Variants in PLXNA4 observed in about 807,000 individuals in gnomAD.
PLXNA4 encodes the protein plexin A4.
In PLXNA4, 44 loss-of-function variants were observed where a neutral mutation model predicts 191.8. That is an observed-to-expected ratio of 0.23 (90% CI 0.18 to 0.29). PLXNA4 has a LOEUF of 0.29. PLXNA4 is among the 10% of genes least tolerant of loss of function. The probability of loss-of-function intolerance (pLI) is 1.00; values close to 1 mark genes in which losing one functional copy is unlikely to be tolerated. For synonymous variants in PLXNA4, 1,082 were observed against 1,009.5 expected (o/e 1.07, Z -1.36); for missense variants, 1,800 against 2,488.8 (o/e 0.72, Z 5.89).
intron 1 of PLXNA4, among the ~76,000 whole-genome samples, chr7:132,562,359 C>T (rs2116661874): frequency 9.6e-6 from 1 of 103,816 alleles, no homozygotes; most frequent in Non-Finnish European, 2.3e-5. Flanking sequence ...CCTTCCTCCT[C>T]CTCCTCTGCC....
At chr7:132,331,230 A>G (rs909554396) in intron 3 of PLXNA4, among the ~76,000 whole-genome samples, 3 of 152,262 alleles carry the variant, frequency 2.0e-5, no homozygotes, top group African/African-American at 7.2e-5. Context: ...CTCAGCTGAG[A>G]GCAGGAGGAA....
intron 2 of PLXNA4, among the ~76,000 whole-genome samples, chr7:132,601,099 T>G (rs370344849): frequency 1.3e-5 from 2 of 152,298 alleles, no homozygotes; most frequent in African/African-American, 4.8e-5. Context: ...GTAAACACCT[T>G]GAGATCAGAT....
chr7:132,502,296 G>A (rs981147929), intron 2 of PLXNA4, among the ~76,000 whole-genome samples: 14 of 152,184 alleles, frequency 9.2e-5, no homozygotes, highest in South Asian at 2.1e-4. Context: ...GGAACGGCAC[G>A]TGGAAGGGGA....
intron 16 of PLXNA4, among the ~76,000 whole-genome samples, chr7:132,183,299 C>A (rs1467838489): frequency 1.3e-5 from 2 of 152,198 alleles, no homozygotes; most frequent in Admixed American, 1.3e-4. Flanking sequence ...TGGAGATGAC[C>A]TTCTGGTGTC....
chr7:132,311,193 T>TGTGTGTGCGC lies in PLXNA4; in HGVS notation c.1372-12972_1372-12971insGCGCACACAC, dbSNP rs71178034. 1.0e-3 allele frequency among the ~76,000 whole-genome samples: 91 copies of TGTGTGTGCGC among 89,902 alleles called. 2 individuals are homozygous for TGTGTGTGCGC. Among genetic ancestry groups the TGTGTGTGCGC allele is most frequent in the African/African-American group, 1.8e-3 (47 of 25,978 alleles). 59.0% of individuals were successfully genotyped at this position (89,902 alleles called of 152,430 possible). A position where few individuals can be genotyped will look rare whatever the true frequency, so the allele number is the denominator to read the frequency against. On this transcript the variant is annotated intron_variant, in intron 3 of 31. Transcript: ENST00000321063. ...GTGTGTGTGTGTGTGTGTGTGTGTG[T>TGTGTGTGCGC]GCGCGTGTGGCCTAAAGGAGGGTCA...
chr7:132,599,756 T>A (rs1272356503), intron 2 of PLXNA4, among the ~76,000 whole-genome samples: 1 of 152,134 alleles, frequency 6.6e-6, no homozygotes, highest in Non-Finnish European at 1.5e-5. Context: ...GGCCGTCTTA[T>A]TCTATTCTCA....
chr7:132,148,126 G>A (rs893480405), intron 26 of PLXNA4, 127 bp from the exon 27 acceptor site: 1 of 1,387,510 alleles, frequency 7.2e-7, no homozygotes, highest in African/African-American at 1.4e-5. Flanking sequence ...GGGGACTTTG[G>A]AGGCTGTCAG....
chr7:132,325,584 G>C (rs1802326291), intron 3 of PLXNA4, among the ~76,000 whole-genome samples: 1 of 152,178 alleles, frequency 6.6e-6, no homozygotes, highest in Non-Finnish European at 1.5e-5. Flanking sequence ...GTGGCCGATG[G>C]AGGCAGACAC....
intron 3 of PLXNA4, among the ~76,000 whole-genome samples, chr7:132,390,799 C>T (rs1399279300): frequency 6.6e-6 from 1 of 152,132 alleles, no homozygotes; most frequent in African/African-American, 2.4e-5. Flanking sequence ...CTTGAAAGTC[C>T]CAAGGAGCTT....
intron 3 of PLXNA4, among the ~76,000 whole-genome samples, chr7:132,375,381 G>C (rs1804619717): frequency 1.3e-5 from 2 of 150,172 alleles, no homozygotes; most frequent in Admixed American, 1.3e-4. Flanking sequence ...TGTCCCCCAA[G>C]AGGTAGAAAA....
chr7:132,613,164 C>T (rs962568183), intron 2 of PLXNA4, among the ~76,000 whole-genome samples: 3 of 152,156 alleles, frequency 2.0e-5, no homozygotes, highest in Non-Finnish European at 2.9e-5. Flanking sequence ...GCCCTTTGGT[C>T]TCATGCAGCT....
intron 22 of PLXNA4, among the ~76,000 whole-genome samples, chr7:132,167,408 C>T (rs547891275): frequency 1.3e-3 from 198 of 152,288 alleles, no homozygotes; most frequent in African/African-American, 4.6e-3. Flanking sequence ...TGAGACATCA[C>T]CAAAGGACTT....
At chr7:132,520,997 C>T (rs147908715) in intron 1 of PLXNA4, among the ~76,000 whole-genome samples, 2 of 151,858 alleles carry the variant, frequency 1.3e-5, no homozygotes, top group African/African-American at 4.8e-5. Flanking sequence ...CTCAATTCCC[C>T]GAAAAATCAG....
At chr7:132,174,628 G>A in intron 21 of PLXNA4, 150 bp downstream of exon 21, 1 of 1,232,102 alleles carries the variant, frequency 8.1e-7, no homozygotes, top group South Asian at 1.6e-5. Flanking sequence ...CTTCCAGAGG[G>A]ATGGACTGGT....
chr7:132,297,861 A>G (rs1801148660), intron 4 of PLXNA4, among the ~76,000 whole-genome samples: 2 of 151,672 alleles, frequency 1.3e-5, no homozygotes, highest in African/African-American at 4.9e-5. Flanking sequence ...AAATTAGTGG[A>G]TTTGTTTTAG....
At chr7:132,443,562 C>T (rs537412670) in intron 3 of PLXNA4, among the ~76,000 whole-genome samples, 22 of 152,286 alleles carry the variant, frequency 1.4e-4, no homozygotes, top group East Asian at 7.7e-4. Context: ...TTTCCTGGCA[C>T]GTGCTCAGTC....
chr7:132,323,020 T>A (rs1395826358), intron 3 of PLXNA4, among the ~76,000 whole-genome samples: 1 of 152,166 alleles, frequency 6.6e-6, no homozygotes, highest in Non-Finnish European at 1.5e-5. Context: ...TGTATCAGTG[T>A]ATTCTCCTTT....
At chr7:132,376,097 T>TG (rs1293477500) in intron 3 of PLXNA4, among the ~76,000 whole-genome samples, 2 of 152,016 alleles carry the variant, frequency 1.3e-5, no homozygotes, top group Non-Finnish European at 2.9e-5. Context: ...TGCCCCATGG[T>TG]GTTGTTGTGA....
chr7:132,620,164 A>C (rs1317996481), intron 2 of PLXNA4, among the ~76,000 whole-genome samples: 1 of 152,130 alleles, frequency 6.6e-6, no homozygotes, highest in Non-Finnish European at 1.5e-5. Context: ...TCACATGATC[A>C]CCTACCAGTC....
Sources: allele counts gnomAD v4.1 joint callset (sites outside exome capture counted in the v4.1 genomes callset), GRCh38; gene constraint gnomAD v4.1.1; transcripts MANE v1.5; gene names NCBI Gene and HGNC (gene_info 2026-07-23, HGNC 2026-07-21).